The following ATRNL1 variants were observed in gnomAD, a reference collection of about 807,000 sequenced individuals.
The protein encoded by ATRNL1 is attractin-like protein 1.
A neutral mutation model predicts 182.7 loss-of-function variants in ATRNL1; 95 were observed. The observed-to-expected ratio is 0.52, with a 90% confidence interval of 0.44 to 0.62. The LOEUF (loss-of-function observed/expected upper bound fraction) is 0.62. ATRNL1 is among the 20% of genes least tolerant of loss of function. The pLI is 0.00. For synonymous variants in ATRNL1, 576 were observed against 568.3 expected (o/e 1.01, Z -0.19); for missense variants, 1,471 against 1,679.5 (o/e 0.88, Z 2.17).
At chr10:115,604,180 T>C (rs1856759278) in intron 26 of ATRNL1, among the ~76,000 whole-genome samples, 1 of 152,214 alleles carries the variant, frequency 6.6e-6, no homozygotes, top group East Asian at 1.9e-4. Flanking sequence ...TTTGTAAATT[T>C]ACATTACTGA....
chr10:115,204,110 G>C (rs1848707771), intron 8 of ATRNL1, among the ~76,000 whole-genome samples: 1 of 151,778 alleles, frequency 6.6e-6, no homozygotes, highest in Non-Finnish European at 1.5e-5. Context: ...TTCATTGTTA[G>C]CATATAAAAA....
chr10:115,557,215 T>TA (rs1175042609), intron 26 of ATRNL1, among the ~76,000 whole-genome samples: 1 of 152,190 alleles, frequency 6.6e-6, no homozygotes, highest in Non-Finnish European at 1.5e-5. Flanking sequence ...TTGGTACATC[T>TA]ACTAGACATC....
intron 26 of ATRNL1, among the ~76,000 whole-genome samples, chr10:115,699,177 T>C (rs1555050754): frequency 6.6e-6 from 1 of 152,122 alleles, no homozygotes; most frequent in Non-Finnish European, 1.5e-5. Context: ...TCTAGTAAAG[T>C]CATCAATTCT....
intron 26 of ATRNL1, among the ~76,000 whole-genome samples, chr10:115,627,767 C>A (rs960144129): frequency 6.6e-6 from 1 of 152,092 alleles, no homozygotes; most frequent in South Asian, 2.1e-4. Flanking sequence ...GCTAAGAACA[C>A]GAGTGTATTT....
At chr10:115,372,330 T>C (rs1554948315) in intron 19 of ATRNL1, among the ~76,000 whole-genome samples, 1 of 152,212 alleles carries the variant, frequency 6.6e-6, no homozygotes, top group Non-Finnish European at 1.5e-5. Flanking sequence ...CTTCACTGTG[T>C]GGATTGCTTC....
chr10:115,590,198 T>C (rs1409083998), intron 26 of ATRNL1, among the ~76,000 whole-genome samples: 3 of 152,184 alleles, frequency 2.0e-5, no homozygotes, highest in African/African-American at 4.8e-5. Context: ...TTCTTTCAGA[T>C]AGAGATGCAG....
intron 26 of ATRNL1, among the ~76,000 whole-genome samples, chr10:115,708,866 G>A (rs1237347295): frequency 1.3e-5 from 2 of 151,700 alleles, no homozygotes; most frequent in South Asian, 2.1e-4. Flanking sequence ...TACAGTTTTG[G>A]TTAATTTTGT....
At chr10:115,797,341 C>A (rs1949677666) in intron 27 of ATRNL1, among the ~76,000 whole-genome samples, 1 of 152,082 alleles carries the variant, frequency 6.6e-6, no homozygotes, top group Admixed American at 6.5e-5. Flanking sequence ...TCTCTCCTGG[C>A]CTTTCGAATA....
intron 26 of ATRNL1, among the ~76,000 whole-genome samples, chr10:115,599,362 C>T (rs528235324): frequency 6.6e-6 from 1 of 152,242 alleles, no homozygotes; most frequent in South Asian, 2.1e-4. Flanking sequence ...AAAAAGGCAG[C>T]TAAATGAGCA....
At chr10:115,438,857 C>T (rs538524412) in intron 21 of ATRNL1, among the ~76,000 whole-genome samples, 1 of 151,770 alleles carries the variant, frequency 6.6e-6, no homozygotes, top group Non-Finnish European at 1.5e-5. Context: ...TGGAGAGAAA[C>T]ATAACTACAG....
intron 26 of ATRNL1, among the ~76,000 whole-genome samples, chr10:115,630,797 A>G (rs987663032): frequency 6.9e-6 from 1 of 145,856 alleles, no homozygotes; most frequent in Non-Finnish European, 1.5e-5. Context: ...TTGTACATCT[A>G]TATTTAATAG....
intron 9 of ATRNL1, chr10:115,220,464 G>A (rs1396532513): frequency 6.6e-6 from 1 of 152,172 alleles, no homozygotes; most frequent in Admixed American, 6.6e-5. Context: ...AGTGGACTTG[G>A]AGAATGTGAA....
intron 24 of ATRNL1, among the ~76,000 whole-genome samples, chr10:115,486,816 C>T (rs182825798): frequency 3.6e-4 from 55 of 152,216 alleles, no homozygotes; most frequent in Middle Eastern, 3.4e-3. Context: ...TTTGCCCATG[C>T]CTATGTCCTG....
intron 27 of ATRNL1, among the ~76,000 whole-genome samples, chr10:115,840,417 A>G (rs1316682953): frequency 7.2e-5 from 11 of 152,190 alleles, no homozygotes; most frequent in African/African-American, 2.7e-4. Flanking sequence ...AACTGGACAG[A>G]ATGGTGTAAT....
At chr10:115,862,093 T>C (rs1951330539) in intron 28 of ATRNL1, among the ~76,000 whole-genome samples, 1 of 152,244 alleles carries the variant, frequency 6.6e-6, no homozygotes, top group East Asian at 1.9e-4. Context: ...TTATAGTTTC[T>C]GCTGACTCTT....
chr10:115,606,240 G>A (rs556681683), intron 26 of ATRNL1, among the ~76,000 whole-genome samples: 6 of 151,896 alleles, frequency 4.0e-5, no homozygotes, highest in South Asian at 4.1e-4. Context: ...CATTAGGCTC[G>A]CATATTTGAT....
At chr10:115,942,116 C>T (rs1235978019) in intron 28 of ATRNL1, among the ~76,000 whole-genome samples, 1 of 152,218 alleles carries the variant, frequency 6.6e-6, no homozygotes, top group Non-Finnish European at 1.5e-5. Context: ...ATTTCTCCTT[C>T]TCCACAAATC....
At chr10:115,181,795 C>T (rs1276518446) in intron 8 of ATRNL1, among the ~76,000 whole-genome samples, 1 of 151,672 alleles carries the variant, frequency 6.6e-6, no homozygotes, top group African/African-American at 2.4e-5. Context: ...TACAAGAAGA[C>T]AAAGTACCAT....
intron 19 of ATRNL1, among the ~76,000 whole-genome samples, chr10:115,367,527 T>C (rs1857116623): frequency 6.6e-6 from 1 of 152,022 alleles, no homozygotes; most frequent in Admixed American, 6.6e-5. Flanking sequence ...CTCGTCAAAG[T>C]CATTCTCCAT....
Sources: gnomAD v4.1 joint callset for allele counts (sites outside exome capture counted in the v4.1 genomes callset) on GRCh38, gnomAD v4.1.1 for gene constraint, MANE v1.5 for transcripts, NCBI Gene and HGNC (gene_info 2026-07-23, HGNC 2026-07-21) for gene names.